Variants in CPEB3 observed in about 807,000 individuals in gnomAD.
CPEB3 encodes the protein cytoplasmic polyadenylation element-binding protein 3.
CPEB3 carries 20 observed loss-of-function variants against 67.2 expected under a neutral mutation model. That is an observed-to-expected ratio of 0.30 (90% confidence interval 0.21 to 0.43). The LOEUF (loss-of-function observed/expected upper bound fraction) is 0.43. Among genes scored for constraint, CPEB3 ranks in the 20% least tolerant of loss-of-function variants. The pLI is 1.00. For missense variants in CPEB3, 746 were observed against 968.6 expected (o/e 0.77, Z 3.05); for synonymous variants, 376 against 393.1 (o/e 0.96, Z 0.51).
chr10:92,239,866 T>G lies in CPEB3; in HGVS notation c.485A>C (p.His162Pro). ...SPQIGLAQTQ[H>P]HQQPPPPAPA... is the part of the protein sequence containing the mutation. ...CGCAGGCGGCGGCGGCTGCTGGTGG[T>G]GCTGGGTCTGCGCCAGGCCGATCTG... The change falls in exon 2 of 10, where the codon CAC (histidine) becomes CCC (proline). Residue 162 changes from histidine (H) to proline (P), a missense_variant. Physicochemically the swap from His to Pro is moderately conservative, Grantham distance 77 (BLOSUM62 -2). Around this residue, in one of 2 missense-constraint regions of CPEB3, gnomAD observed 643 missense variants for 717.5 expected, o/e 0.90. Transcript: ENST00000265997. This position sits in a 1 kb window ranked among gnomAD's most constrained non-coding sequence, Gnocchi z 6.0. 4 of 1,567,894 alleles carry G rather than the reference T, an allele frequency of 2.6e-6. No individual in the cohort carries two copies. The highest frequency in any genetic ancestry group is 1.8e-5 in the Admixed American group (1 of 55,810).
chr10:92,140,681 G>A (rs1846363388), intron 6 of CPEB3, among the ~76,000 whole-genome samples: 1 of 142,442 alleles, frequency 7.0e-6, no homozygotes, highest in Non-Finnish European at 1.5e-5. Flanking sequence ...ACTACCATCA[G>A]AGTGAACAGG....
At chr10:92,192,692 C>A (rs1849038751) in intron 2 of CPEB3, 56 bp from the exon 3 acceptor site, 2 of 1,369,118 alleles carry the variant, frequency 1.5e-6, no homozygotes, top group South Asian at 1.5e-5. Context: ...AAAATTAACA[C>A]CATATCATTT....
At chr10:92,079,949 C>T (rs972669862) in intron 9 of CPEB3, among the ~76,000 whole-genome samples, 16 of 151,866 alleles carry the variant, frequency 1.1e-4, no homozygotes, top group African/African-American at 3.4e-4. Flanking sequence ...GCCTGTAATC[C>T]CAGCACTTTG....
At chr10:92,261,962 A>G (rs183011957) in intron 1 of CPEB3, among the ~76,000 whole-genome samples, 9 of 152,320 alleles carry the variant, frequency 5.9e-5, no homozygotes, top group Admixed American at 2.6e-4. Flanking sequence ...CAATGGTTCA[A>G]TTTAATATGT....
chr10:92,102,950 A>G (rs748958615), intron 7 of CPEB3, among the ~76,000 whole-genome samples: 1 of 152,184 alleles, frequency 6.6e-6, no homozygotes, highest in Non-Finnish European at 1.5e-5. Context: ...CTGAAACCAT[A>G]TATTTGTGTG....
chr10:92,202,535 T>C (rs1165261873), intron 2 of CPEB3, among the ~76,000 whole-genome samples: 4 of 150,476 alleles, frequency 2.7e-5, no homozygotes, highest in Non-Finnish European at 5.9e-5. Flanking sequence ...ATTAAAAATA[T>C]AAAAATTTTA....
intron 7 of CPEB3, among the ~76,000 whole-genome samples, chr10:92,108,306 G>C (rs1844568122): frequency 6.6e-6 from 1 of 152,162 alleles, no homozygotes; most frequent in Admixed American, 6.5e-5. Context: ...GGTTGACTTT[G>C]CCTTGAGCTA....
intron 2 of CPEB3, among the ~76,000 whole-genome samples, chr10:92,221,979 T>C (rs1394379680): frequency 2.0e-5 from 3 of 152,184 alleles, no homozygotes; most frequent in African/African-American, 4.8e-5. Context: ...CTAGCCTCTA[T>C]AATTGTGAGA....
chr10:92,093,370 T>C (rs1334921260), intron 7 of CPEB3, among the ~76,000 whole-genome samples: 3 of 152,232 alleles, frequency 2.0e-5, no homozygotes, highest in Non-Finnish European at 4.4e-5. Flanking sequence ...AAGAAACATA[T>C]GTGATAATTT....
chr10:92,247,076 A>C (rs1013141639), intron 1 of CPEB3, among the ~76,000 whole-genome samples: 1 of 152,232 alleles, frequency 6.6e-6, no homozygotes, highest in Admixed American at 6.5e-5. Context: ...ATCTAAAAAG[A>C]AAATGACTCG....
At chr10:92,053,072 T>C (rs1464152561) in intron 9 of CPEB3, among the ~76,000 whole-genome samples, 1 of 152,210 alleles carries the variant, frequency 6.6e-6, no homozygotes, top group Non-Finnish European at 1.5e-5. Context: ...CAACATTGCA[T>C]ACCATGGACT....
intron 2 of CPEB3, among the ~76,000 whole-genome samples, chr10:92,225,874 A>T (rs1347628162): frequency 1.3e-5 from 2 of 152,176 alleles, no homozygotes; most frequent in Non-Finnish European, 2.9e-5. Flanking sequence ...CGAGGCAGGC[A>T]GATCACGAGG....
chr10:92,151,209 C>A (rs918182625), intron 4 of CPEB3, among the ~76,000 whole-genome samples: 3 of 152,186 alleles, frequency 2.0e-5, no homozygotes, highest in Non-Finnish European at 4.4e-5. Context: ...CCAAGCTATG[C>A]TGTGAAAGCT....
intron 1 of CPEB3, among the ~76,000 whole-genome samples, chr10:92,275,042 C>T (rs559405326): frequency 6.6e-6 from 1 of 152,324 alleles, no homozygotes; most frequent in South Asian, 2.1e-4. Context: ...TTCTCTGGGA[C>T]AGCCACTACT....
chr10:92,065,715 T>C (rs565954147), intron 9 of CPEB3, among the ~76,000 whole-genome samples: 1 of 152,272 alleles, frequency 6.6e-6, no homozygotes, highest in East Asian at 1.9e-4. Context: ...AGAGTACATC[T>C]GGGACTCAGT....
chr10:92,081,201 C>A, intron 9 of CPEB3, 119 bp downstream of exon 9: 1 of 1,045,214 alleles, frequency 9.6e-7, no homozygotes, highest in Non-Finnish European at 1.5e-6. Context: ...AATTCATGGA[C>A]TAATGCCATG....
At chr10:92,175,023 C>T (rs1848161003) in intron 4 of CPEB3, among the ~76,000 whole-genome samples, 1 of 151,882 alleles carries the variant, frequency 6.6e-6, no homozygotes, top group Non-Finnish European at 1.5e-5. Flanking sequence ...CCTAACTGCC[C>T]ACTTACAGGT....
chr10:92,145,445 A>G (rs936894551), intron 4 of CPEB3, among the ~76,000 whole-genome samples: 1 of 152,132 alleles, frequency 6.6e-6, no homozygotes, highest in Admixed American at 6.6e-5. Context: ...CCTGGCTAAC[A>G]TGGCAAAACC....
intron 2 of CPEB3, among the ~76,000 whole-genome samples, chr10:92,206,077 T>C (rs2134289771): frequency 7.5e-6 from 1 of 133,522 alleles, no homozygotes; most frequent in Non-Finnish European, 1.6e-5. Context: ...CAGTAAATAC[T>C]TTTTTTTTTT....
Sources: allele counts gnomAD v4.1 joint callset (sites outside exome capture counted in the v4.1 genomes callset), GRCh38; gene constraint gnomAD v4.1.1; regional missense constraint gnomAD v4.1.1; non-coding constraint Gnocchi (gnomAD v3.1); transcripts MANE v1.5; gene names NCBI Gene and HGNC (gene_info 2026-07-23, HGNC 2026-07-21).